The following PIK3C2G variants were observed in gnomAD, a reference collection of about 807,000 sequenced individuals.
PIK3C2G encodes phosphatidylinositol-4-phosphate 3-kinase catalytic subunit type 2 gamma, also known as phosphatidylinositol 3-kinase C2 domain-containing subunit gamma.
Under a neutral mutation model 181.1 loss-of-function variants are expected in PIK3C2G, and 168 were observed. The ratio of observed to expected loss-of-function variants is 0.93; its 90% CI spans 0.82 to 1.05. The LOEUF is 1.05. Among genes scored for constraint, PIK3C2G ranks in the 50% least tolerant of loss-of-function variants. PIK3C2G has a pLI of 0.00. For synonymous variants in PIK3C2G, 573 were observed against 592.2 expected (o/e 0.97, Z 0.47); for missense variants, 1,869 against 1,732.8 (o/e 1.08, Z -1.40).
downstream of PIK3C2G, among the ~76,000 whole-genome samples, chr12:18,650,664 ATGTGTGTGTGTGTGTGTG>A (rs1159499235): frequency 6.5e-4 from 23 of 35,600 alleles, no homozygotes; most frequent in East Asian, 5.7e-3. Context: ...TGGAATATAA[ATGTGTGTGTGTGTGTGTG>A]TGTGTGTGTG....
chr12:18,604,087 T>TA (rs1198158402), intron 30 of PIK3C2G, among the ~76,000 whole-genome samples: 1 of 152,154 alleles, frequency 6.6e-6, no homozygotes, highest in Non-Finnish European at 1.5e-5. Context: ...ATGCTCCACT[T>TA]AAAAGATACA....
chr12:18,469,973 G>T (rs1277027055), intron 18 of PIK3C2G, among the ~76,000 whole-genome samples: 1 of 144,738 alleles, frequency 6.9e-6, no homozygotes, highest in Non-Finnish European at 1.5e-5. Context: ...TACCAACTTT[G>T]TCATAGGCTT....
At chr12:18,289,823 A>T (rs943159332) in intron 3 of PIK3C2G, among the ~76,000 whole-genome samples, 1 of 152,222 alleles carries the variant, frequency 6.6e-6, no homozygotes, top group Non-Finnish European at 1.5e-5. Context: ...TTTGTGCAAA[A>T]TTAACTGCAG....
intron 25 of PIK3C2G, among the ~76,000 whole-genome samples, chr12:18,538,665 T>G (rs1369377915): frequency 6.6e-6 from 1 of 152,002 alleles, no homozygotes; most frequent in African/African-American, 2.4e-5. Flanking sequence ...ATCTCATTTA[T>G]ATATCATGAC....
chr12:18,345,357 C>T (rs1292785729), intron 10 of PIK3C2G, among the ~76,000 whole-genome samples: 1 of 151,986 alleles, frequency 6.6e-6, no homozygotes, highest in Non-Finnish European at 1.5e-5. Flanking sequence ...CTCTGCTTGT[C>T]CCCCCCAGAC....
In PIK3C2G at chr12:18,275,313, C is replaced by T. The variant is rs1194164517; in HGVS notation, c.-78-6691C>T. 2.0e-5 allele frequency among the ~76,000 whole-genome samples: 3 copies of T among 152,174 alleles called. No homozygotes were observed. In the East Asian group the frequency reaches 5.8e-4, roughly 29 times the overall value. ...AGTACTTTGTAACAAAGTGCCTTCT[C>T]ATGTCTTCACCTTTCTTCATTCACT... On this transcript the variant is annotated intron_variant, in intron 1 of 32. Coordinates refer to ENST00000538779, the MANE Select transcript of PIK3C2G (RefSeq NM_001288772.2).
chr12:18,247,941 T>C (rs1227492429), exon 1 of PIK3C2G: 3 of 152,162 alleles, frequency 2.0e-5, no homozygotes, highest in East Asian at 3.9e-4. Flanking sequence ...TAATTTATTC[T>C]TAACTCCTGT....
the PIK3C2G span, among the ~76,000 whole-genome samples, chr12:18,697,847 T>C: frequency 6.6e-6 from 1 of 151,626 alleles, no homozygotes; most frequent in Non-Finnish European, 1.5e-5. Flanking sequence ...ATTGGCATCC[T>C]TGAAGTTAAA....
At chr12:18,565,675 C>T (rs1028318812) in intron 28 of PIK3C2G, among the ~76,000 whole-genome samples, 27 of 152,180 alleles carry the variant, frequency 1.8e-4, no homozygotes, top group African/African-American at 5.3e-4. Context: ...ACATATAACT[C>T]GAAGAAGTTT....
intron 1 of PIK3C2G, among the ~76,000 whole-genome samples, chr12:18,275,467 T>C (rs1180330805): frequency 6.6e-6 from 1 of 152,166 alleles, no homozygotes; most frequent in Non-Finnish European, 1.5e-5. Context: ...GTGCAACCTC[T>C]GCCTTCTGGT....
chr12:18,609,268 G>C (rs998659687), intron 30 of PIK3C2G, among the ~76,000 whole-genome samples: 1 of 151,964 alleles, frequency 6.6e-6, no homozygotes, highest in Non-Finnish European at 1.5e-5. Flanking sequence ...TGGCACTGAG[G>C]TTTTAAGCTT....
chr12:18,389,534 A>G (rs1044768437), intron 14 of PIK3C2G, among the ~76,000 whole-genome samples: 14 of 152,154 alleles, frequency 9.2e-5, no homozygotes, highest in African/African-American at 3.4e-4. Flanking sequence ...TTTCTCCTCA[A>G]TTAAACTTTA....
At chr12:18,287,325 T>C (rs568433616) in intron 3 of PIK3C2G, among the ~76,000 whole-genome samples, 20 of 152,232 alleles carry the variant, frequency 1.3e-4, no homozygotes, top group Non-Finnish European at 2.2e-4. Flanking sequence ...TCATCATAGT[T>C]CAATCTTATC....
chr12:18,608,624 G>A (rs1213482362), intron 30 of PIK3C2G, among the ~76,000 whole-genome samples: 2 of 151,794 alleles, frequency 1.3e-5, no homozygotes, highest in African/African-American at 4.8e-5. Context: ...AAGTTAATGG[G>A]TGCAGCACAC....
At chr12:18,684,051 G>A in the PIK3C2G span, 14 of 1,468,856 alleles carry the variant, frequency 9.5e-6, no homozygotes, top group South Asian at 1.5e-4. Flanking sequence ...AGAGCTATTT[G>A]GTATGTCAAA....
chr12:18,251,862 T>C (rs564865006), intron 1 of PIK3C2G, among the ~76,000 whole-genome samples: 1 of 152,056 alleles, frequency 6.6e-6, no homozygotes, highest in Non-Finnish European at 1.5e-5. Flanking sequence ...AAGAAAGGAA[T>C]GAAGATACCA....
chr12:18,462,244 G>A (rs533441251), intron 18 of PIK3C2G, among the ~76,000 whole-genome samples: 2 of 152,128 alleles, frequency 1.3e-5, no homozygotes, highest in Non-Finnish European at 2.9e-5. Flanking sequence ...CAGTCTGTTA[G>A]CTAATCCTTA....
At chr12:18,245,673 G>A (rs1293802684), upstream of PIK3C2G, among the ~76,000 whole-genome samples, 1 of 151,980 alleles carries the variant, frequency 6.6e-6, no homozygotes, top group Non-Finnish European at 1.5e-5. Flanking sequence ...TTCAAATTTA[G>A]TGATAACAGA....
chr12:18,706,228 T>C, the PIK3C2G span, among the ~76,000 whole-genome samples: 15 of 149,526 alleles, frequency 1.0e-4, no homozygotes, highest in Admixed American at 8.7e-4. Context: ...TGAGACTCTG[T>C]CTCAAAAATA....
Sources: allele counts gnomAD v4.1 joint callset (sites outside exome capture counted in the v4.1 genomes callset), GRCh38; gene constraint gnomAD v4.1.1; transcripts MANE v1.5; gene names NCBI Gene and HGNC (gene_info 2026-07-23, HGNC 2026-07-21).